Variants in LMX1A observed in about 807,000 individuals in gnomAD.
LMX1A encodes the protein LIM homeobox transcription factor 1 alpha.
A neutral mutation model predicts 49.1 loss-of-function variants in LMX1A; 15 were observed. The observed-to-expected ratio is 0.31, with a 90% CI of 0.20 to 0.47. LMX1A has a LOEUF of 0.47. Ranked by LOEUF, LMX1A falls within the 20% of genes least tolerant of loss-of-function variation. The pLI, the probability that LMX1A is intolerant of heterozygous loss-of-function variation, is 1.00. For synonymous variants in LMX1A, 167 were observed against 185.7 expected, an observed-to-expected ratio of 0.90 and a Z score of 0.82; for missense variants, 372 against 475.8, an observed-to-expected ratio of 0.78 and a Z score of 2.03.
intron 2 of LMX1A, 108 bp from the exon 3 acceptor site, chr1:165,353,370 G>T (rs181157572): frequency 5.8e-6 from 5 of 857,726 alleles, no homozygotes; most frequent in African/African-American, 1.7e-5. Context: ...TTCCCCCAGC[G>T]CCCCCCACCC....
chr1:165,230,553 G>T (rs1211987007), intron 4 of LMX1A, among the ~76,000 whole-genome samples: 1 of 152,146 alleles, frequency 6.6e-6, no homozygotes, highest in Non-Finnish European at 1.5e-5. Flanking sequence ...GAACCAACAG[G>T]TTTCCACTGC....
intron 3 of LMX1A, among the ~76,000 whole-genome samples, chr1:165,334,333 A>G (rs1037845486): frequency 6.6e-6 from 1 of 152,232 alleles, no homozygotes; most frequent in Admixed American, 6.5e-5. Context: ...CTCCAATTCC[A>G]TAATGATGTT....
At chr1:165,252,080 T>C (rs181321229) in intron 3 of LMX1A, among the ~76,000 whole-genome samples, 1 of 152,298 alleles carries the variant, frequency 6.6e-6, no homozygotes, top group East Asian at 1.9e-4. Context: ...GCTCAAAATA[T>C]TATCTTACTC....
intron 3 of LMX1A, among the ~76,000 whole-genome samples, chr1:165,348,431 AAG>A (rs766569318): frequency 3.3e-5 from 5 of 152,154 alleles, no homozygotes; most frequent in Non-Finnish European, 5.9e-5. Flanking sequence ...AAGAGAGAAA[AAG>A]AGAGAGAGAT....
intron 3 of LMX1A, among the ~76,000 whole-genome samples, chr1:165,324,403 GAGTGTCCAC>G (rs1655510286): frequency 6.6e-6 from 1 of 152,164 alleles, no homozygotes; most frequent in African/African-American, 2.4e-5. Flanking sequence ...GAGAGCCTTT[GAGTGTCCAC>G]AGTGCATTTT....
intron 3 of LMX1A, among the ~76,000 whole-genome samples, chr1:165,284,600 G>A (rs1364401844): frequency 6.6e-6 from 1 of 152,208 alleles, no homozygotes; most frequent in Non-Finnish European, 1.5e-5. Context: ...CTAAATCTGA[G>A]CCAGCTGATA....
intron 3 of LMX1A, among the ~76,000 whole-genome samples, chr1:165,333,756 A>T (rs1016507052): frequency 6.6e-6 from 1 of 152,104 alleles, no homozygotes; most frequent in Non-Finnish European, 1.5e-5. Context: ...ACACACAAAC[A>T]CGCACACACA....
chr1:165,285,945 C>A (rs1258205098), intron 3 of LMX1A, among the ~76,000 whole-genome samples: 1 of 151,982 alleles, frequency 6.6e-6, no homozygotes, highest in Non-Finnish European at 1.5e-5. Flanking sequence ...AAAATTATAG[C>A]TCCTCATTTT....
chr1:165,204,346 T>C (rs1483071409), intron 8 of LMX1A, among the ~76,000 whole-genome samples: 3 of 152,152 alleles, frequency 2.0e-5, no homozygotes. Flanking sequence ...GCAGAGCTCC[T>C]ATAGGACTTG....
At chr1:165,319,225 A>G (rs888096137) in intron 3 of LMX1A, among the ~76,000 whole-genome samples, 3 of 152,226 alleles carry the variant, frequency 2.0e-5, no homozygotes, top group Non-Finnish European at 2.9e-5. Flanking sequence ...TCTGTCTTAA[A>G]AAATAGATAA....
At chr1:165,320,856 A>G (rs1330211668) in intron 3 of LMX1A, among the ~76,000 whole-genome samples, 1 of 152,210 alleles carries the variant, frequency 6.6e-6, no homozygotes, top group Admixed American at 6.5e-5. Flanking sequence ...ATTGTAAGAA[A>G]AGATAAAGGT....
chr1:165,333,658 C>T (rs1041348771), intron 3 of LMX1A, among the ~76,000 whole-genome samples: 15 of 152,140 alleles, frequency 9.9e-5, no homozygotes, highest in Non-Finnish European at 1.6e-4. Context: ...TTGTTCTCTA[C>T]ATGTTTTATT....
At chr1:165,234,616 A>G (rs1652364777) in intron 4 of LMX1A, among the ~76,000 whole-genome samples, 1 of 152,208 alleles carries the variant, frequency 6.6e-6, no homozygotes, top group African/African-American at 2.4e-5. Context: ...ACTGGCCTCA[A>G]TTTAATTTAG....
intron 3 of LMX1A, among the ~76,000 whole-genome samples, chr1:165,282,723 C>T (rs1654191087): frequency 6.6e-6 from 1 of 152,064 alleles, no homozygotes; most frequent in African/African-American, 2.4e-5. Context: ...CCTTTGGTTC[C>T]TCTCTGTCCT....
Position 165,255,077 on chromosome 1 carries a change from G to A in LMX1A, c.264-5437C>T, listed in dbSNP as rs551091037. Among the ~76,000 whole-genome samples, 590 of 152,328 alleles carry A rather than the reference G, an allele frequency of 3.9e-3. 4 individuals are homozygous for A. The highest frequency in any genetic ancestry group is 5.6e-3 in the Non-Finnish European group (384 of 68,028). On this transcript the variant is annotated intron_variant, in intron 3 of 8. Transcript: ENST00000342310. ...CTGTGGGGAAGGCTCTGGGGATGCC[G>A]TGATAAATAAGGCTGTCCCTCTCCT...
In LMX1A at chr1:165,220,413, G is replaced by A. The variant is rs373891104; in HGVS notation, c.497-6600C>T. ...AAGAAGGAGGTGTTACAAAGGACAG[G>A]AAGGAAAGGAAGAAGGTGTGTGCAG... On this transcript the variant is annotated intron_variant, in intron 4 of 8. Coordinates refer to ENST00000342310, the MANE Select transcript of LMX1A (RefSeq NM_177398.4). Among the ~76,000 whole-genome samples, 56 of 152,320 alleles carry A rather than the reference G, an allele frequency of 3.7e-4. 1 individual carries two copies. In the Middle Eastern group the frequency reaches 0.014, roughly 37 times the overall value.
At chr1:165,269,156 G>A (rs889633667) in intron 3 of LMX1A, among the ~76,000 whole-genome samples, 1 of 152,172 alleles carries the variant, frequency 6.6e-6, no homozygotes, top group African/African-American at 2.4e-5. Flanking sequence ...GTGAGATAAC[G>A]AGCTTAGACT....
intron 3 of LMX1A, among the ~76,000 whole-genome samples, chr1:165,306,198 G>T (rs1026540785): frequency 1.3e-5 from 2 of 152,106 alleles, no homozygotes; most frequent in African/African-American, 4.8e-5. Flanking sequence ...TCAGGTTAAT[G>T]GAAATTGTAG....
At chr1:165,228,577 A>C (rs1571161934) in intron 4 of LMX1A, among the ~76,000 whole-genome samples, 1 of 152,254 alleles carries the variant, frequency 6.6e-6, no homozygotes, top group South Asian at 2.1e-4. Flanking sequence ...CCAGGTAAGC[A>C]CCTCCATGCA....
Sources: allele counts gnomAD v4.1 joint callset (sites outside exome capture counted in the v4.1 genomes callset), GRCh38; gene constraint gnomAD v4.1.1; transcripts MANE v1.5; gene names NCBI Gene and HGNC (gene_info 2026-07-23, HGNC 2026-07-21).